PCDHGA2: variants seen among roughly 807,000 people sequenced by gnomAD.
PCDHGA2 encodes the protein protocadherin gamma subfamily A, 2.
A neutral mutation model predicts 59.2 loss-of-function variants in PCDHGA2; 40 were observed. That is an observed-to-expected ratio of 0.68 (90% CI 0.52 to 0.88). The LOEUF is 0.88. PCDHGA2 is among the 40% of genes least tolerant of loss of function. The pLI is 0.00. For missense variants in PCDHGA2, 1,226 were observed against 1,204.0 expected (o/e 1.02, Z -0.27); for synonymous variants, 560 against 526.0 (o/e 1.06, Z -0.89).
At chr5:141,420,420 CAA>C (rs1462714732) in intron 1 of PCDHGA2, 2 of 1,201,950 alleles carry the variant, frequency 1.7e-6, no homozygotes, top group African/African-American at 3.2e-5. Context: ...ATTATTAAAA[CAA>C]AAGTTTAAAT....
chr5:141,480,241 A>C (rs895691864), intron 1 of PCDHGA2, among the ~76,000 whole-genome samples: 58 of 97,306 alleles, frequency 6.0e-4, no homozygotes, highest in African/African-American at 2.2e-3. Context: ...CTGTCTCTAC[A>C]AAAAAAAAAA....
At chr5:141,510,828 C>T in intron 3 of PCDHGA2, 119 bp from the exon 4 acceptor site, 18 of 1,572,154 alleles carry the variant, frequency 1.1e-5, no homozygotes, top group Non-Finnish European at 1.6e-5. Context: ...ATTCCCAGTG[C>T]TCAGCGTGGT....
intron 1 of PCDHGA2, chr5:141,360,961 G>A (rs1761819904): frequency 1.2e-6 from 2 of 1,613,940 alleles, no homozygotes; most frequent in Non-Finnish European, 8.5e-7. Context: ...CATAAACGCA[G>A]AGATCACCTA....
At chr5:141,470,648 C>T (rs1188305813) in intron 1 of PCDHGA2, among the ~76,000 whole-genome samples, 1 of 152,066 alleles carries the variant, frequency 6.6e-6, no homozygotes, top group Non-Finnish European at 1.5e-5. Context: ...TTTGAAGGCC[C>T]CTACCCTTTG....
intron 1 of PCDHGA2, chr5:141,403,598 G>T: frequency 6.2e-7 from 1 of 1,613,820 alleles, no homozygotes; most frequent in Non-Finnish European, 8.5e-7. Context: ...CACGGCCTCG[G>T]ATGGCGGCGA....
rs201408987 is a variant in PCDHGA2, at chr5:141,476,857, C to T, written c.2425-17950C>T. 12 of 1,613,768 alleles carry T rather than the reference C, an allele frequency of 7.4e-6. No individual in the cohort carries two copies. The highest frequency in any genetic ancestry group is 1.0e-5 in the Non-Finnish European group (12 of 1,180,054). ...ACAATGCGCCTGTCTTCAACCAGTC[C>T]TTGTACCGGGCGCGCGTCCTGGAGG... On this transcript the variant is annotated intron_variant, in intron 1 of 3. Transcript: ENST00000394576. The surrounding 1 kb of genome is among the most constrained non-coding windows in gnomAD (Gnocchi z 7.6).
rs1482297743 is a variant in PCDHGA2 at position 141,403,937 on chromosome 5, G to A, written c.2424+62542G>A. 8 of 1,613,778 alleles carry A rather than the reference G, an allele frequency of 5.0e-6. No individual in the cohort carries two copies. The highest frequency in any genetic ancestry group is 6.8e-6 in the Non-Finnish European group (8 of 1,179,896). On this transcript the variant is annotated intron_variant, in intron 1 of 3. Transcript: ENST00000394576. ...AGCTGAAGATGGTGGGGGATTGAAA[G>A]GGTGGACAAAAGTGCTCATTTCGGT...
At chr5:141,394,373 C>G in intron 1 of PCDHGA2, 2 of 1,614,206 alleles carry the variant, frequency 1.2e-6, no homozygotes, top group Non-Finnish European at 8.5e-7. Context: ...TGCAATCTTT[C>G]GACTATGAGC....
rs1483184484 is a variant in PCDHGA2, at chr5:141,341,204, G to A, written c.2233G>A (p.Gly745Arg). The change falls in exon 1 of 4, where the codon GGG becomes AGG. Residue 745 changes from glycine (G) to arginine (R), a missense_variant. Transcript: ENST00000394576. Reference protein sequence around the residue: ...MQSSHFVGVDGVRAFLQTYSH... With the variant: ...MQSSHFVGVDRVRAFLQTYSH... ...GAGCTCGCACTTTGTGGGCGTGGAC[G>A]GGGTTCGGGCTTTCCTGCAGACCTA... is the stretch of plus-strand genomic sequence containing the variant. 4 of 1,614,230 alleles carry A rather than the reference G, an allele frequency of 2.5e-6. No homozygotes were observed. Among genetic ancestry groups the A allele is most frequent in the Admixed American group, 3.3e-5 (2 of 60,024 alleles).
At chr5:141,357,699 T>G in intron 1 of PCDHGA2, 1 of 1,511,918 alleles carries the variant, frequency 6.6e-7, no homozygotes, top group Non-Finnish European at 8.9e-7. Flanking sequence ...ATTTTATATG[T>G]AATATATCAA....
intron 1 of PCDHGA2, chr5:141,370,475 GGCTCTCTCCGAACCGATCC>G: frequency 6.2e-7 from 1 of 1,613,676 alleles, no homozygotes; most frequent in Non-Finnish European, 8.5e-7. Flanking sequence ...TGTTAGACCA[GGCTCTCTCCGAACCGATCC>G]GCTACGCTAT....
chr5:141,398,753 G>A (rs141932976), intron 1 of PCDHGA2: 3 of 1,613,452 alleles, frequency 1.9e-6, no homozygotes, highest in East Asian at 2.2e-5. Flanking sequence ...AGTTACCATC[G>A]TTTAGTCCTG....
At chr5:141,404,482 C>T (rs758102201) in intron 1 of PCDHGA2, 2 of 1,613,594 alleles carry the variant, frequency 1.2e-6, no homozygotes, top group East Asian at 2.2e-5. Context: ...TTAACTCAGA[C>T]ACTGGTGTGC....
chr5:141,433,017 A>T, intron 1 of PCDHGA2: 1 of 1,614,124 alleles, frequency 6.2e-7, no homozygotes, highest in Non-Finnish European at 8.5e-7. Flanking sequence ...CTGCAGACCT[A>T]TTCCCACGAG....
chr5:141,356,298 T>G, intron 1 of PCDHGA2: 1 of 1,554,986 alleles, frequency 6.4e-7, no homozygotes, highest in Non-Finnish European at 8.7e-7. Context: ...GTACAGTAAT[T>G]GCACTTTTCA....
chr5:141,400,267 T>C (rs749494967), intron 1 of PCDHGA2: 4 of 1,614,030 alleles, frequency 2.5e-6, no homozygotes, highest in Middle Eastern at 1.6e-4. Context: ...CCTGCGACGC[T>C]CCTCCAGCCC....
intron 1 of PCDHGA2, chr5:141,394,190 G>T (rs1370592594): frequency 1.2e-6 from 2 of 1,613,684 alleles, no homozygotes; most frequent in Non-Finnish European, 1.7e-6. Flanking sequence ...CCTACTCAGC[G>T]TATATCCTAG....
intron 1 of PCDHGA2, chr5:141,376,715 T>C: frequency 1.6e-6 from 1 of 622,970 alleles, no homozygotes; most frequent in Non-Finnish European, 2.6e-6. Flanking sequence ...AGTCTCGCTC[T>C]GTCGCCCAGG....
intron 2 of PCDHGA2, among the ~76,000 whole-genome samples, chr5:141,497,865 A>G (rs1248242691): frequency 2.0e-5 from 3 of 152,168 alleles, no homozygotes; most frequent in Admixed American, 2.0e-4. Flanking sequence ...CAGCGGCTCC[A>G]AAGTGAAATA....
Sources: allele counts gnomAD v4.1 joint callset (sites outside exome capture counted in the v4.1 genomes callset), GRCh38; gene constraint gnomAD v4.1.1; non-coding constraint Gnocchi (gnomAD v3.1); transcripts MANE v1.5; gene names NCBI Gene and HGNC (gene_info 2026-07-23, HGNC 2026-07-21).